Variants in MAN1A1 observed in about 807,000 individuals in gnomAD.
MAN1A1 encodes mannosidase alpha class 1A member 1, also known as mannosyl-oligosaccharide 1,2-alpha-mannosidase IA.
MAN1A1 carries 29 observed loss-of-function variants against 70.8 expected under a neutral mutation model. The observed-to-expected ratio is 0.41, with a 90% CI of 0.31 to 0.56. The LOEUF (loss-of-function observed/expected upper bound fraction) is 0.56, where lower values mean the gene tolerates loss of function less well. MAN1A1 is among the 20% of genes least tolerant of loss of function. MAN1A1 has a pLI of 0.29. For missense variants in MAN1A1, 747 were observed against 841.3 expected, an observed-to-expected ratio of 0.89 and a Z score of 1.39; for synonymous variants, 349 against 330.1, an observed-to-expected ratio of 1.06 and a Z score of -0.62.
chr6:119,276,949 C>T (rs1291271778), intron 5 of MAN1A1, among the ~76,000 whole-genome samples: 1 of 152,064 alleles, frequency 6.6e-6, no homozygotes, highest in Non-Finnish European at 1.5e-5. Flanking sequence ...AATAAAGAGC[C>T]ACGAAAAAAA....
At chr6:119,211,321 C>T (rs993174077) in intron 6 of MAN1A1, among the ~76,000 whole-genome samples, 1 of 152,202 alleles carries the variant, frequency 6.6e-6, no homozygotes, top group Non-Finnish European at 1.5e-5. Context: ...TCTCCAAATT[C>T]TGTCCTATGG....
intron 7 of MAN1A1, among the ~76,000 whole-genome samples, chr6:119,202,602 G>C (rs951713784): frequency 5.9e-5 from 9 of 152,254 alleles, no homozygotes; most frequent in African/African-American, 2.2e-4. Flanking sequence ...ATGTGACTGG[G>C]AGTAGAGTAT....
intron 7 of MAN1A1, 95 bp downstream of exon 7, chr6:119,204,664 T>C: frequency 6.8e-7 from 1 of 1,467,444 alleles, no homozygotes; most frequent in Non-Finnish European, 9.3e-7. Context: ...AATTTGGTTA[T>C]TATTTCCACT....
chr6:119,196,729 T>C (rs541840612), intron 8 of MAN1A1, among the ~76,000 whole-genome samples: 1 of 152,188 alleles, frequency 6.6e-6, no homozygotes, highest in Non-Finnish European at 1.5e-5. Context: ...TATCTCCCTT[T>C]TAAAATTTTT....
At chr6:119,200,343 T>G (rs976579466) in intron 8 of MAN1A1, among the ~76,000 whole-genome samples, 27 of 152,280 alleles carry the variant, frequency 1.8e-4, no homozygotes, top group Admixed American at 5.2e-4. Context: ...TAACCTTGAT[T>G]ATAGTCCTAA....
At chr6:119,272,964 A>C (rs1775965407) in intron 5 of MAN1A1, among the ~76,000 whole-genome samples, 1 of 152,208 alleles carries the variant, frequency 6.6e-6, no homozygotes, top group Non-Finnish European at 1.5e-5. Flanking sequence ...TAAGATGGAA[A>C]TCTATAAATT....
intron 2 of MAN1A1, among the ~76,000 whole-genome samples, chr6:119,336,079 AT>A (rs902342390): frequency 5.3e-5 from 8 of 151,746 alleles, no homozygotes; most frequent in Non-Finnish European, 7.4e-5. Context: ...TTTTATTATT[AT>A]TTTTTTTGAG....
At chr6:119,345,127 A>T (rs1368043286) in intron 2 of MAN1A1, among the ~76,000 whole-genome samples, 1 of 151,026 alleles carries the variant, frequency 6.6e-6, no homozygotes, top group African/African-American at 2.4e-5. Context: ...GTCATCCTCC[A>T]AATTGGATTA....
chr6:119,243,124 T>C (rs908807023), intron 6 of MAN1A1, among the ~76,000 whole-genome samples: 1 of 152,128 alleles, frequency 6.6e-6, no homozygotes, highest in African/African-American at 2.4e-5. Flanking sequence ...ACATAAAGTG[T>C]AAGATGGAGC....
At position 119,348,510 on chromosome 6, in the gene MAN1A1, C is replaced by G. The variant is rs1487227755; in HGVS notation, c.556G>C (p.Glu186Gln). Residue 186 changes from glutamate to glutamine, a missense_variant, in exon 2 of 13, where the codon GAG (glutamate) becomes CAG (glutamine). Coordinates refer to ENST00000368468, the MANE Select transcript of MAN1A1 (RefSeq NM_005907.4). ...TCGCGGATGGCGGCGTCGGCGGGCT[C>G]CCGGCTCTCCACCCCGATTGGGGGC... Reference protein sequence around the residue: ...FVPPIGVESREPADAAIREKR... With the variant: ...FVPPIGVESRQPADAAIREKR... 1 of 1,610,866 alleles carries G rather than the reference C, an allele frequency of 6.2e-7. No individual in the cohort carries two copies. Among genetic ancestry groups the G allele is most frequent in the African/African-American group, 1.3e-5 (1 of 74,972 alleles).
At chr6:119,329,609 T>C (rs1396767837) in intron 2 of MAN1A1, among the ~76,000 whole-genome samples, 2 of 152,138 alleles carry the variant, frequency 1.3e-5, no homozygotes, top group Non-Finnish European at 2.9e-5. Context: ...GGCAGAGTGG[T>C]TGAATCCCGC....
intron 2 of MAN1A1, among the ~76,000 whole-genome samples, chr6:119,327,770 A>G (rs1773194640): frequency 6.6e-6 from 1 of 152,214 alleles, no homozygotes; most frequent in African/African-American, 2.4e-5. Context: ...TGGCCATTCC[A>G]CAATGGTTAC....
At chr6:119,280,911 G>GA (rs1336164019) in intron 5 of MAN1A1, among the ~76,000 whole-genome samples, 1 of 152,186 alleles carries the variant, frequency 6.6e-6, no homozygotes, top group African/African-American at 2.4e-5. Context: ...TGAAATCAAA[G>GA]AAAAAGTGGT....
chr6:119,276,629 G>A (rs1241784141), intron 5 of MAN1A1, among the ~76,000 whole-genome samples: 1 of 152,190 alleles, frequency 6.6e-6, no homozygotes, highest in African/African-American at 2.4e-5. Flanking sequence ...AACCTAAACT[G>A]TATTATACAG....
At chr6:119,340,009 T>C (rs1160339455) in intron 2 of MAN1A1, among the ~76,000 whole-genome samples, 3 of 152,154 alleles carry the variant, frequency 2.0e-5, no homozygotes, top group African/African-American at 7.2e-5. Context: ...GAGAATCGCC[T>C]GAACCTAGGA....
intron 5 of MAN1A1, among the ~76,000 whole-genome samples, chr6:119,268,205 C>T (rs973969195): frequency 1.3e-5 from 2 of 152,196 alleles, no homozygotes; most frequent in African/African-American, 4.8e-5. Flanking sequence ...TGCTTATCTA[C>T]TATTTAGTTA....
intron 5 of MAN1A1, among the ~76,000 whole-genome samples, chr6:119,267,124 C>T (rs1775779562): frequency 6.6e-6 from 1 of 152,208 alleles, no homozygotes; most frequent in Admixed American, 6.5e-5. Flanking sequence ...CGGGAACTTT[C>T]ATTCATTTCA....
intron 2 of MAN1A1, among the ~76,000 whole-genome samples, chr6:119,311,440 A>G (rs1203892851): frequency 6.6e-6 from 1 of 152,212 alleles, no homozygotes; most frequent in Non-Finnish European, 1.5e-5. Flanking sequence ...CTCCAGGTGT[A>G]AGGCAATGTG....
At chr6:119,315,430 T>C (rs1772821896) in intron 2 of MAN1A1, among the ~76,000 whole-genome samples, 1 of 152,228 alleles carries the variant, frequency 6.6e-6, no homozygotes, top group South Asian at 2.1e-4. Context: ...GGACAGATTG[T>C]TCTGTTTCTA....
Sources: allele counts gnomAD v4.1 joint callset (sites outside exome capture counted in the v4.1 genomes callset), GRCh38; gene constraint gnomAD v4.1.1; transcripts MANE v1.5; gene names NCBI Gene and HGNC (gene_info 2026-07-23, HGNC 2026-07-21).